PLS3: variants seen among roughly 807,000 people sequenced by gnomAD.
PLS3 encodes plastin-3.
PLS3 carries 11 observed loss-of-function variants against 46.5 expected under a neutral mutation model. The observed-to-expected ratio is 0.24, with a 90% CI of 0.15 to 0.39. PLS3 has a LOEUF of 0.39. PLS3 is among the 10% of genes least tolerant of loss of function. The pLI is 1.00. For missense variants in PLS3, 308 were observed against 461.8 expected (o/e 0.67, Z 3.05); for synonymous variants, 167 against 162.2 (o/e 1.03, Z -0.22).
At chrX:115,619,725 T>C (rs2074630655) in intron 2 of PLS3, among the ~76,000 whole-genome samples, 1 of 112,459 alleles carries the variant, frequency 8.9e-6, no homozygotes, top group Non-Finnish European at 1.9e-5. Context: ...ATATTTTAAT[T>C]AGCCAGGCAT....
chrX:115,606,160 C>CTTTT (rs2074490297), intron 1 of PLS3, among the ~76,000 whole-genome samples: 1 of 37,579 alleles, frequency 2.7e-5, no homozygotes, highest in Non-Finnish European at 4.9e-5. Flanking sequence ...TTTTTCTTTT[C>CTTTT]TTTTCTTTTT....
Position 115,634,950 on chromosome X carries a change from G to A in PLS3, c.652G>A (p.Asp218Asn). The A allele has an allele frequency of 8.3e-7, 1 of 1,210,702 alleles. No individual in the cohort carries two copies. Residue 218 changes from aspartate (D) to asparagine (N), a missense_variant, in exon 7 of 16, where the codon GAT (aspartate) becomes AAT (asparagine). Coordinates refer to ENST00000355899, the MANE Select transcript of PLS3 (RefSeq NM_005032.7). ...TCATGTTGTGAACATTGGTGCAGAA[G>A]ATTTGAGGGCTGGGAAACCTCATCT... is the stretch of plus-strand genomic sequence containing the variant. ...GCHVVNIGAE[D>N]LRAGKPHLVL... is the part of the protein sequence containing the mutation.
intron 1 of PLS3, among the ~76,000 whole-genome samples, chrX:115,609,139 C>T (rs1201854890): frequency 9.1e-6 from 1 of 109,511 alleles, no homozygotes; most frequent in East Asian, 2.9e-4. Flanking sequence ...GAGAAAAAAC[C>T]CAAAACAAAA....
At chrX:115,565,368 T>C (rs1044383502) in intron 1 of PLS3, among the ~76,000 whole-genome samples, 5 of 111,748 alleles carry the variant, frequency 4.5e-5, no homozygotes, top group Non-Finnish European at 9.4e-5. Flanking sequence ...CTAATTATTT[T>C]AGCATGGGTC....
chrX:115,574,605 G>GT (rs781946102), intron 1 of PLS3, among the ~76,000 whole-genome samples: 55 of 109,683 alleles, frequency 5.0e-4, no homozygotes, highest in African/African-American at 1.5e-3. Flanking sequence ...TTGAGACAGA[G>GT]TTTCGCTCTT....
At chrX:115,570,840 G>A (rs782025412) in intron 1 of PLS3, among the ~76,000 whole-genome samples, 14 of 108,738 alleles carry the variant, frequency 1.3e-4, no homozygotes, top group Admixed American at 3.0e-4. Flanking sequence ...CCATGTTTCA[G>A]GTTGAAGAAG....
At chrX:115,624,584 G>A (rs2074692240) in intron 3 of PLS3, among the ~76,000 whole-genome samples, 1 of 112,232 alleles carries the variant, frequency 8.9e-6, no homozygotes, top group South Asian at 3.7e-4. Flanking sequence ...GATTTGCAGT[G>A]TGTCATTATA....
chrX:115,628,542 C>T (rs1556638788), intron 3 of PLS3, among the ~76,000 whole-genome samples: 1 of 110,858 alleles, frequency 9.0e-6, no homozygotes. Context: ...CTACACAGTA[C>T]TAGGATGTGA....
chrX:115,562,132 AC>A (rs1180093930), intron 1 of PLS3, among the ~76,000 whole-genome samples: 3 of 105,894 alleles, frequency 2.8e-5, no homozygotes, highest in East Asian at 3.0e-4. Flanking sequence ...GTAATAGTCT[AC>A]CCCCCCGCCC....
At chrX:115,588,985 G>A (rs2074327840) in intron 1 of PLS3, among the ~76,000 whole-genome samples, 1 of 111,439 alleles carries the variant, frequency 9.0e-6, no homozygotes, top group Non-Finnish European at 1.9e-5. Context: ...ACAGCCCTTG[G>A]AATATTGAAT....
intron 1 of PLS3, among the ~76,000 whole-genome samples, chrX:115,567,178 A>G (rs1034507989): frequency 8.9e-6 from 1 of 111,867 alleles, no homozygotes; most frequent in Admixed American, 9.5e-5. Context: ...GTTTCGTGTA[A>G]AAAACCTCAT....
intron 1 of PLS3, among the ~76,000 whole-genome samples, chrX:115,588,621 A>G (rs2074325228): frequency 8.9e-6 from 1 of 111,952 alleles, no homozygotes; most frequent in South Asian, 3.7e-4. Context: ...TGTGTCACCA[A>G]ACTCTTTGGG....
chrX:115,570,503 CTT>C (rs1166812329), intron 1 of PLS3, among the ~76,000 whole-genome samples: 10 of 86,945 alleles, frequency 1.2e-4, no homozygotes, highest in African/African-American at 3.7e-4. Flanking sequence ...TCCTACCTTC[CTT>C]TTTTTTTTTT....
chrX:115,584,919 G>A, intron 1 of PLS3, among the ~76,000 whole-genome samples: 1 of 111,614 alleles, frequency 9.0e-6, no homozygotes, highest in Admixed American at 9.6e-5. Context: ...AAATGATGTG[G>A]TCATGCCCAT....
intron 7 of PLS3, among the ~76,000 whole-genome samples, chrX:115,636,205 C>CTT (rs1403487429): frequency 0.014 from 1,198 of 84,123 alleles, 54 homozygotes; most frequent in African/African-American, 0.051. Context: ...AAATCCCTGA[C>CTT]TTTTTTTTTT....
rs782566302 is a variant in PLS3 at position 115,645,113 on chromosome X, CTGCTATTGTA to C, written c.1262+15_1262+24del. The C allele has an allele frequency of 1.8e-5, 18 of 1,017,331 alleles. No homozygotes were observed. The highest frequency in any genetic ancestry group is 1.5e-4 in the African/African-American group (8 of 53,025). 83.8% of individuals were successfully genotyped at this position (1,017,331 alleles called of 1,213,427 possible). A position where few individuals can be genotyped will look rare whatever the true frequency, so the allele number is the denominator to read the frequency against. On this transcript the variant is annotated intron_variant, in intron 11 of 15. Transcript: ENST00000355899. ...CCATCTCTATGCGTAAGCCTTCCTA[CTGCTATTGTA>C]AACAGTTACGAATGTCATGAATGGA...
chrX:115,595,015 C>T (rs2074375147), intron 1 of PLS3, among the ~76,000 whole-genome samples: 1 of 110,885 alleles, frequency 9.0e-6, no homozygotes, highest in Non-Finnish European at 1.9e-5. Context: ...TATTCTTCAT[C>T]CTAGGAAAAA....
chrX:115,636,307 C>T (rs1218473256), intron 7 of PLS3, among the ~76,000 whole-genome samples: 2 of 106,345 alleles, frequency 1.9e-5, no homozygotes, highest in Non-Finnish European at 3.9e-5. Context: ...CCCGGGTTCA[C>T]GCCATTCTCC....
chrX:115,598,255 T>A (rs1384457515), intron 1 of PLS3, among the ~76,000 whole-genome samples: 1 of 103,951 alleles, frequency 9.6e-6, no homozygotes, highest in Non-Finnish European at 1.9e-5. Flanking sequence ...ACCATGACAC[T>A]GCACTCCAGC....
Sources: gnomAD v4.1 joint callset for allele counts (sites outside exome capture counted in the v4.1 genomes callset) on GRCh38, gnomAD v4.1.1 for gene constraint, MANE v1.5 for transcripts, NCBI Gene and HGNC (gene_info 2026-07-23, HGNC 2026-07-21) for gene names.